Variants in ZNF212 observed in about 807,000 individuals in gnomAD.
The protein encoded by ZNF212 is Zinc finger protein C2H2-150.
In ZNF212, 32 loss-of-function variants were observed where a neutral mutation model predicts 47.3. The ratio of observed to expected loss-of-function variants is 0.68; its 90% CI spans 0.51 to 0.91. The LOEUF (loss-of-function observed/expected upper bound fraction) is 0.91. Among genes scored for constraint, ZNF212 ranks in the 40% least tolerant of loss-of-function variants. The pLI, the probability that ZNF212 is intolerant of heterozygous loss-of-function variation, is 0.00. For synonymous variants in ZNF212, 242 were observed against 253.8 expected (o/e 0.95, Z 0.44); for missense variants, 555 against 622.8 (o/e 0.89, Z 1.16).
chr7:149,242,011 CTTTTCTTTTCTT>C (rs1405993773), intron 1 of ZNF212, among the ~76,000 whole-genome samples: 1 of 136,446 alleles, frequency 7.3e-6, no homozygotes, highest in Non-Finnish European at 1.5e-5. Context: ...TCTTCTTTTT[CTTTTCTTTTCTT>C]TTTTTTTTTT....
intron 1 of ZNF212, among the ~76,000 whole-genome samples, chr7:149,245,106 T>C (rs1047284419): frequency 6.6e-6 from 1 of 152,084 alleles, no homozygotes; most frequent in Non-Finnish European, 1.5e-5. Context: ...CCTAGCACTT[T>C]GGGAGGCTGA....
intron 1 of ZNF212, among the ~76,000 whole-genome samples, chr7:149,246,824 T>C (rs1374945278): frequency 1.3e-5 from 2 of 150,248 alleles, no homozygotes; most frequent in African/African-American, 4.9e-5. Context: ...TTTTTTTTTT[T>C]TTTTTTTTTT....
intron 1 of ZNF212, among the ~76,000 whole-genome samples, chr7:149,247,746 T>TG (rs1297023166): frequency 6.6e-6 from 1 of 152,186 alleles, no homozygotes; most frequent in African/African-American, 2.4e-5. Flanking sequence ...TAGCTTCTGG[T>TG]GGTCCCATGT....
chr7:149,243,221 G>A (rs934805469), intron 1 of ZNF212, among the ~76,000 whole-genome samples: 25 of 152,114 alleles, frequency 1.6e-4, no homozygotes, highest in Admixed American at 1.2e-3. Context: ...GTGAAATTCC[G>A]TCTCTACTAG....
At position 149,254,060 on chromosome 7, in the gene ZNF212, T is replaced by C; in HGVS notation, c.1133T>C (p.Phe378Ser). ...CAGTGTGATGTGTGCCTGAGGAGCT[T>C]CAGCTGCAAGGTGAGCCTGGTGACC... ...LHQCDVCLRSFSCKVSLVTHQ... is the reference protein window; with the variant it reads ...LHQCDVCLRSSSCKVSLVTHQ... The change falls in exon 5 of 5, where the codon TTC becomes TCC. Residue 378 changes from phenylalanine (F) to serine (S), a missense_variant. Physicochemically the swap from Phe to Ser is radical, Grantham distance 155 (BLOSUM62 -2). Coordinates refer to ENST00000335870, the MANE Select transcript of ZNF212 (RefSeq NM_012256.4). The surrounding 1 kb of genome is among the most constrained non-coding windows in gnomAD (Gnocchi z 4.5). 6.2e-7 allele frequency: 1 copy of C among 1,612,880 alleles called. No homozygotes were observed.
At position 149,254,309 on chromosome 7, in the gene ZNF212, A is replaced by T. The variant is rs753854717; in HGVS notation, c.1382A>T (p.Glu461Val). 3 of 1,613,980 alleles carry T rather than the reference A, an allele frequency of 1.9e-6. No individual in the cohort carries two copies. The highest frequency in any genetic ancestry group is 8.5e-7 in the Non-Finnish European group (1 of 1,180,044). Residue 461 changes from glutamate (E) to valine (V), a missense_variant, in exon 5 of 5, where the codon GAG (glutamate) becomes GTG (valine). Transcript: ENST00000335870. This position sits in a 1 kb window ranked among gnomAD's most constrained non-coding sequence, Gnocchi z 4.5. Reference sequence around the variant, plus strand: ...CGGCCCTACAGCTGCACTGAGTGTGAGAAGAGCTTTGTCCAGAAGCAGCAC... The same window carrying T: ...CGGCCCTACAGCTGCACTGAGTGTGTGAAGAGCTTTGTCCAGAAGCAGCAC... ...GERPYSCTEC[E>V]KSFVQKQHLL...
intron 3 of ZNF212, 141 bp downstream of exon 3, chr7:149,250,948 C>G (rs1215566427): frequency 2.7e-6 from 3 of 1,113,260 alleles, no homozygotes; most frequent in African/African-American, 3.1e-5. Context: ...ATGCCAGTCT[C>G]TAGGTCCTCC....
chr7:149,253,593 T>C lies in ZNF212; in HGVS notation c.666T>C (p.Tyr222=). The C allele has an allele frequency of 6.2e-7, 1 of 1,613,206 alleles. No homozygotes were observed. The highest frequency in any genetic ancestry group is 8.5e-7 in the Non-Finnish European group (1 of 1,179,272). Residue 222 remains tyrosine (Y), a synonymous_variant, in exon 5 of 5, where the codon TAT becomes TAC. Coordinates refer to ENST00000335870, the MANE Select transcript of ZNF212 (RefSeq NM_012256.4). ...TCATGATCAAACAGGAGCTACAGTATACACAGGAAGGCCCTGCGGATCTTC... is the reference window on the plus strand; with the variant it reads ...TCATGATCAAACAGGAGCTACAGTACACACAGGAAGGCCCTGCGGATCTTC... ...GGVMIKQELQ[Y]TQEGPADLPG...
Position 149,254,293 on chromosome 7 carries a change from A to G in ZNF212, c.1366A>G (p.Ser456Gly). The G allele has an allele frequency of 6.2e-7, 1 of 1,614,156 alleles. No homozygotes were observed. The highest frequency in any genetic ancestry group is 8.5e-7 in the Non-Finnish European group (1 of 1,180,052). Residue 456 changes from serine (S) to glycine (G), a missense_variant, in exon 5 of 5, where the codon AGC becomes GGC. Transcript: ENST00000335870. The surrounding 1 kb of genome is among the most constrained non-coding windows in gnomAD (Gnocchi z 4.5). ...QRIHTGERPY[S>G]CTECEKSFVQ... Reference sequence around the variant, plus strand: ...CATCCACACGGGTGAGCGGCCCTACAGCTGCACTGAGTGTGAGAAGAGCTT... The same window carrying G: ...CATCCACACGGGTGAGCGGCCCTACGGCTGCACTGAGTGTGAGAAGAGCTT...
At chr7:149,250,944 G>A in intron 3 of ZNF212, 137 bp downstream of exon 3, 3 of 1,149,712 alleles carry the variant, frequency 2.6e-6, no homozygotes, top group Non-Finnish European at 3.6e-6. Flanking sequence ...AGAAATGCCA[G>A]TCTCTAGGTC....
intron 1 of ZNF212, among the ~76,000 whole-genome samples, chr7:149,245,358 A>AG (rs1491303397): frequency 1.3e-4 from 14 of 108,750 alleles, no homozygotes; most frequent in African/African-American, 4.4e-4. Context: ...ACTCCATCTC[A>AG]GAAAAAAAAA....
intron 1 of ZNF212, among the ~76,000 whole-genome samples, chr7:149,246,118 C>G (rs1476527259): frequency 6.6e-6 from 1 of 152,182 alleles, no homozygotes; most frequent in Non-Finnish European, 1.5e-5. Context: ...TTTTGGGGTT[C>G]TTGACCTTTT....
In ZNF212 at chr7:149,252,722, A is replaced by G. The variant is rs781572589; in HGVS notation, c.558A>G (p.Thr186=). Residue 186 remains threonine, a synonymous_variant, in exon 4 of 5, where the codon ACA becomes ACG. Transcript: ENST00000335870. ...TLVSLKVLGQ[T]EGEAELGTEM... is the part of the protein sequence containing the mutation. Reference sequence around the variant, plus strand: ...CCCACCCAGAGGTCCTTGGCCAGACAGAGGGAGAAGCGGAGTTGGGTACAG... The same window carrying G: ...CCCACCCAGAGGTCCTTGGCCAGACGGAGGGAGAAGCGGAGTTGGGTACAG... 6 of 1,614,026 alleles carry G rather than the reference A, an allele frequency of 3.7e-6. No homozygotes were observed. Among genetic ancestry groups the G allele is most frequent in the Admixed American group, 1.7e-5 (1 of 59,996 alleles).
intron 1 of ZNF212, among the ~76,000 whole-genome samples, chr7:149,240,382 A>ACCCCCCC (rs71194632): frequency 9.1e-6 from 1 of 109,356 alleles, no homozygotes; most frequent in Admixed American, 9.3e-5. Context: ...TCTCTCCTTC[A>ACCCCCCC]CCCCCCCCCC....
At chr7:149,247,822 T>C (rs1256296850) in intron 1 of ZNF212, among the ~76,000 whole-genome samples, 2 of 152,152 alleles carry the variant, frequency 1.3e-5, no homozygotes, top group Non-Finnish European at 2.9e-5. Flanking sequence ...CCATTATGTA[T>C]TGGTGTAACA....
chr7:149,241,050 G>A (rs970870522), intron 1 of ZNF212, among the ~76,000 whole-genome samples: 2 of 152,102 alleles, frequency 1.3e-5, no homozygotes, highest in Admixed American at 6.5e-5. Flanking sequence ...GTTAGAGTCC[G>A]GCGAGAGGAT....
intron 1 of ZNF212, among the ~76,000 whole-genome samples, chr7:149,240,851 T>C (rs1796577656): frequency 1.3e-5 from 2 of 152,310 alleles, no homozygotes; most frequent in Non-Finnish European, 2.9e-5. Flanking sequence ...TTGATTCTTG[T>C]AGAAAGTGCG....
At chr7:149,242,021 C>CTTTTTTTTTTTTTTTTTTTTTTTTTTTTT (rs34883587) in intron 1 of ZNF212, among the ~76,000 whole-genome samples, 1 of 121,346 alleles carries the variant, frequency 8.2e-6, no homozygotes, top group Non-Finnish European at 1.7e-5. Context: ...CTTTTCTTTT[C>CTTTTTTTTTTTTTTTTTTTTTTTTTTTTT]TTTTTTTTTT....
Position 149,250,519 on chromosome 7 carries a change from C to T in ZNF212, c.385C>T (p.Pro129Ser), listed in dbSNP as rs1393272908. The change falls in exon 2 of 5, where the codon CCC becomes TCC. Residue 129 changes from proline (P) to serine (S), a missense_variant. Transcript: ENST00000335870. ...CAGGAACTTCTGGATCCTGCGGCTG[C>T]CCCCGGGCAGCAAGGGGGAGGCCCC... ...RNRNFWILRL[P>S]PGSKGEAPKV... 5 of 1,613,080 alleles carry T rather than the reference C, an allele frequency of 3.1e-6. No individual in the cohort carries two copies. In the African/African-American group the frequency reaches 4.0e-5, roughly 13 times the overall value.
Sources: allele counts gnomAD v4.1 joint callset (sites outside exome capture counted in the v4.1 genomes callset), GRCh38; gene constraint gnomAD v4.1.1; non-coding constraint Gnocchi (gnomAD v3.1); transcripts MANE v1.5; gene names NCBI Gene and HGNC (gene_info 2026-07-23, HGNC 2026-07-21).